The following HOMER3 variants were observed in gnomAD, a reference collection of about 807,000 sequenced individuals.
The protein encoded by HOMER3 is homer protein homolog 3.
In HOMER3, 34 loss-of-function variants were observed where a neutral mutation model predicts 45.5. The ratio of observed to expected loss-of-function variants is 0.75; its 90% confidence interval spans 0.57 to 1.00. HOMER3 has a LOEUF of 1.00. Among genes scored for constraint, HOMER3 ranks in the 50% least tolerant of loss-of-function variants. The pLI, the probability that HOMER3 is intolerant of heterozygous loss-of-function variation, is 0.00. For missense variants in HOMER3, 480 were observed against 497.5 expected, an observed-to-expected ratio of 0.96 and a Z score of 0.33; for synonymous variants, 223 against 208.8, an observed-to-expected ratio of 1.07 and a Z score of -0.58.
At chr19:18,931,089 G>A (rs1361724739) in intron 9 of HOMER3, among the ~76,000 whole-genome samples, 1 of 152,210 alleles carries the variant, frequency 6.6e-6, no homozygotes, top group African/African-American at 2.4e-5. Flanking sequence ...GAGAACAGGA[G>A]GAATTGACGG....
rs76370496 is a variant in HOMER3 at position 18,938,404 on chromosome 19, G to A, written c.252C>T (p.Arg84=). ...AGCCCAGGCCGTAGACTGTGTTGGCGCGACTGTCGGCCCACTGCCCGAACT... is the reference window on the plus strand; with the variant it reads ...AGCCCAGGCCGTAGACTGTGTTGGCACGACTGTCGGCCCACTGCCCGAACT... The part of the protein sequence containing the change: ...SQKFGQWADS[R]ANTVYGLGFA... The change falls in exon 4 of 10, where the codon CGC becomes CGT. Residue 84 remains arginine (R), a synonymous_variant. Transcript: ENST00000392351. 22 of 1,614,086 alleles carry A rather than the reference G, an allele frequency of 1.4e-5. No homozygotes were observed. The highest frequency in any genetic ancestry group is 1.3e-4 in the Admixed American group (8 of 59,996).
intron 4 of HOMER3, among the ~76,000 whole-genome samples, chr19:18,935,476 T>A: frequency 6.6e-6 from 1 of 152,086 alleles, no homozygotes; most frequent in Non-Finnish European, 1.5e-5. Context: ...AAAGAGAGCC[T>A]CAGGTGGGTG....
chr19:18,935,034 G>C (rs1376294013), intron 4 of HOMER3, among the ~76,000 whole-genome samples: 1 of 151,022 alleles, frequency 6.6e-6, no homozygotes, highest in Admixed American at 6.6e-5. Flanking sequence ...TAGAGATGTG[G>C]TTTTACCATG....
At chr19:18,938,291 C>T in intron 4 of HOMER3, 62 bp downstream of exon 4, 1 of 1,545,600 alleles carries the variant, frequency 6.5e-7, no homozygotes, top group South Asian at 1.2e-5. Context: ...CAGAGTGAGC[C>T]CAGGAGAAGA....
Position 18,929,570 on chromosome 19 carries a change from TCCTCCAGG to T in HOMER3, c.951_958del (p.Ser317ArgfsTer12). ...CGCCCGCTCCCGCTCTGCCCGTGCC[TCCTCCAGG>T]CTGCGCTCCATCGCCCGCAGCTGGT... On this transcript the variant is annotated frameshift_variant, in exon 10 of 10. Transcript: ENST00000392351. LOFTEE classifies it high-confidence loss of function. 6.5e-7 allele frequency: 1 copy of T among 1,548,286 alleles called. No homozygotes were observed. The highest frequency in any genetic ancestry group is 8.7e-7 in the Non-Finnish European group (1 of 1,147,312).
At position 18,939,064 on chromosome 19, in the gene HOMER3, G is replaced by A; in HGVS notation, c.-67-15C>T. On this transcript the variant is annotated splice_polypyrimidine_tract_variant and intron_variant, in intron 1 of 9. Coordinates refer to ENST00000392351, the MANE Select transcript of HOMER3 (RefSeq NM_004838.4). Reference sequence around the variant, plus strand: ...TGGTTTGGCCCCTAGGGAGAGAGGAGGGACTATGAGTGTCCCTCAGGCCAG... The same window carrying A: ...TGGTTTGGCCCCTAGGGAGAGAGGAAGGACTATGAGTGTCCCTCAGGCCAG... 1 of 1,387,300 alleles carries A rather than the reference G, an allele frequency of 7.2e-7. No individual in the cohort carries two copies. The highest frequency in any genetic ancestry group is 9.6e-7 in the Non-Finnish European group (1 of 1,039,616). 85.9% of individuals were successfully genotyped at this position (1,387,300 alleles called of 1,614,324 possible).
chr19:18,939,293 T>G, intron 1 of HOMER3: 3 of 326,654 alleles, frequency 9.2e-6, no homozygotes, highest in Non-Finnish European at 1.1e-5. Flanking sequence ...TTTAAACAAT[T>G]AGCTGGGTGT....
chr19:18,937,045 C>G (rs1006694674), intron 4 of HOMER3, among the ~76,000 whole-genome samples: 1 of 151,134 alleles, frequency 6.6e-6, no homozygotes, highest in African/African-American at 2.4e-5. Context: ...GTGGCTCAAG[C>G]CTGTAATCCC....
intron 4 of HOMER3, 37 bp from the exon 5 acceptor site, chr19:18,934,447 G>T: frequency 1.5e-6 from 2 of 1,343,806 alleles, no homozygotes; most frequent in Middle Eastern, 1.9e-4. Context: ...TAAAACCCCA[G>T]CCCATCCTCC....
rs776037122 is a variant in HOMER3, at chr19:18,934,295, G to C, written c.411+8C>G. Reference sequence around the variant, plus strand: ...CCAGGCAGGCATAGGGGAGTAGGGAGTGCTGACCTGGTGGGAGGCGAGCCC... The same window carrying C: ...CCAGGCAGGCATAGGGGAGTAGGGACTGCTGACCTGGTGGGAGGCGAGCCC... On this transcript the variant is annotated splice_region_variant and intron_variant, in intron 5 of 9. Coordinates refer to ENST00000392351, the MANE Select transcript of HOMER3 (RefSeq NM_004838.4). 16 of 1,483,822 alleles carry C rather than the reference G, an allele frequency of 1.1e-5. No homozygotes were observed. Among genetic ancestry groups the C allele is most frequent in the Non-Finnish European group, 1.4e-5 (16 of 1,108,854 alleles). The allele number at this position is 1,483,822 out of a possible 1,614,324, so 91.9% of individuals were successfully genotyped here. A position where few individuals can be genotyped will look rare whatever the true frequency, so the allele number is the denominator to read the frequency against.
rs778004313 is a variant in HOMER3 at position 18,938,335 on chromosome 19, C to A, written c.303+18G>T. The A allele has an allele frequency of 6.3e-7, 1 of 1,595,844 alleles. No individual in the cohort carries two copies. The highest frequency in any genetic ancestry group is 1.7e-5 in the Admixed American group (1 of 59,602). On this transcript the variant is annotated intron_variant, in intron 4 of 9. Coordinates refer to ENST00000392351, the MANE Select transcript of HOMER3 (RefSeq NM_004838.4). Reference sequence around the variant, plus strand: ...CAGTCTCATCGGTTCCCTCCACTCTCCCCCTCACCCGGCCCACCTGTGTCA... The same window carrying A: ...CAGTCTCATCGGTTCCCTCCACTCTACCCCTCACCCGGCCCACCTGTGTCA...
chr19:18,933,792 T>A (rs1388304082), intron 5 of HOMER3, among the ~76,000 whole-genome samples: 1 of 151,538 alleles, frequency 6.6e-6, no homozygotes, highest in African/African-American at 2.4e-5. Flanking sequence ...GCAACCTCCA[T>A]CTCCTGGGTT....
rs1321853115 is a variant in HOMER3 at position 18,931,378 on chromosome 19, G to A, written c.841C>T (p.Pro281Ser). The change falls in exon 9 of 10, where the codon CCC (proline) becomes TCC (serine). Residue 281 changes from proline (P) to serine (S), a missense_variant. Physicochemically the swap from Pro to Ser is moderately conservative, Grantham distance 74. Coordinates refer to ENST00000392351, the MANE Select transcript of HOMER3 (RefSeq NM_004838.4). ...TCGGCAGCCTCCAGGGCCTCGCGGG[G>A]CCCCCCAGTCTGACTCTTCAGGGTC... ...IQTLKSQTGG[P>S]REALEAAERE... 3 of 1,614,126 alleles carry A rather than the reference G, an allele frequency of 1.9e-6. No homozygotes were observed. The highest frequency in any genetic ancestry group is 1.7e-5 in the Admixed American group (1 of 60,026).
Position 18,938,382 on chromosome 19 carries a change from C to T in HOMER3, c.274G>A (p.Gly92Ser). ...GTCAGATGCTGTTCAGAGGCAAAGC[C>T]CAGGCCGTAGACTGTGTTGGCGCGA... ...DSRANTVYGL[G>S]FASEQHLTQF... The change falls in exon 4 of 10, where the codon GGC (glycine) becomes AGC (serine). Residue 92 changes from glycine to serine, a missense_variant. Coordinates refer to ENST00000392351, the MANE Select transcript of HOMER3 (RefSeq NM_004838.4). 6.2e-7 allele frequency: 1 copy of T among 1,613,428 alleles called. No individual in the cohort carries two copies. The highest frequency in any genetic ancestry group is 8.5e-7 in the Non-Finnish European group (1 of 1,179,424).
chr19:18,934,459 A>C, intron 4 of HOMER3, 49 bp from the exon 5 acceptor site: 2 of 1,218,326 alleles, frequency 1.6e-6, no homozygotes, highest in Non-Finnish European at 2.3e-6. Flanking sequence ...CCATCCTCCC[A>C]AACAGGTCAC....
At chr19:18,935,155 G>T (rs1367474928) in intron 4 of HOMER3, among the ~76,000 whole-genome samples, 2 of 144,850 alleles carry the variant, frequency 1.4e-5, no homozygotes, top group South Asian at 2.2e-4. Context: ...TTTTTTTTGG[G>T]GGGGGACAGA....
At chr19:18,932,824 A>T in intron 6 of HOMER3, 100 bp downstream of exon 6, 1 of 951,240 alleles carries the variant, frequency 1.1e-6, no homozygotes, top group Non-Finnish European at 1.5e-6. Context: ...GTCCACAGTT[A>T]GATCCCGCCG....
At position 18,938,956 on chromosome 19, in the gene HOMER3, G is replaced by C. The variant is rs1164828062; in HGVS notation, c.14+13C>G. The C allele has an allele frequency of 6.2e-7, 1 of 1,605,076 alleles. No homozygotes were observed. Among genetic ancestry groups the C allele is most frequent in the African/African-American group, 1.3e-5 (1 of 74,888 alleles). On this transcript the variant is annotated intron_variant, in intron 2 of 9. Transcript: ENST00000392351. ...GAAAGCTCAGGGCCAGGCTGGGGGAGGTGGGAGCTCACCTGGCTGTGGACA... is the reference window on the plus strand; with the variant it reads ...GAAAGCTCAGGGCCAGGCTGGGGGACGTGGGAGCTCACCTGGCTGTGGACA...
At position 18,934,327 on chromosome 19, in the gene HOMER3, T is replaced by C. The variant is rs772199028; in HGVS notation, c.387A>G (p.Pro129=). ...KSQDGGELTS[P]ALGLASHQVP... ...CCTGGTGGGAGGCGAGCCCCAGGGC[T>C]GGACTGGTGAGCTCCCCGCCATCCT... The change falls in exon 5 of 10, where the codon CCA becomes CCG. Residue 129 remains proline (P), a synonymous_variant. Coordinates refer to ENST00000392351, the MANE Select transcript of HOMER3 (RefSeq NM_004838.4). The C allele has an allele frequency of 7.6e-6, 12 of 1,573,748 alleles. No individual in the cohort carries two copies. Among genetic ancestry groups the C allele is most frequent in the East Asian group, 2.4e-5 (1 of 41,426 alleles).
Sources: allele counts gnomAD v4.1 joint callset (sites outside exome capture counted in the v4.1 genomes callset), GRCh38; gene constraint gnomAD v4.1.1; transcripts MANE v1.5; gene names NCBI Gene and HGNC (gene_info 2026-07-23, HGNC 2026-07-21).